SHISA9: variants seen among roughly 807,000 people sequenced by gnomAD.
SHISA9 encodes protein shisa-9.
SHISA9 carries 13 observed loss-of-function variants against 38.0 expected under a neutral mutation model. The observed-to-expected ratio is 0.34, with a 90% CI of 0.22 to 0.54. The LOEUF (loss-of-function observed/expected upper bound fraction) is 0.54. SHISA9 is among the 20% of genes least tolerant of loss of function. The pLI, the probability that SHISA9 is intolerant of heterozygous loss-of-function variation, is 0.91. For missense variants in SHISA9, 538 were observed against 575.8 expected, an observed-to-expected ratio of 0.93 and a Z score of 0.67; for synonymous variants, 275 against 242.0, an observed-to-expected ratio of 1.14 and a Z score of -1.27.
the SHISA9 span, among the ~76,000 whole-genome samples, chr16:13,273,707 C>T: frequency 1.1e-4 from 16 of 152,120 alleles, no homozygotes; most frequent in African/African-American, 3.9e-4. Flanking sequence ...ATGGGAATGC[C>T]TATTGCACAG....
At chr16:12,927,783 G>A (rs529264709) in intron 2 of SHISA9, among the ~76,000 whole-genome samples, 89 of 152,054 alleles carry the variant, frequency 5.9e-4, no homozygotes, top group Non-Finnish European at 1.1e-3. Context: ...ATCTGTCCCC[G>A]GTGCTGAACC....
chr16:12,927,240 A>T lies in SHISA9; in HGVS notation c.691+10425A>T, dbSNP rs556588272. Among the ~76,000 whole-genome samples, 8 of 152,350 alleles carry T rather than the reference A, an allele frequency of 5.3e-5. 1 individual carries two copies. In the South Asian group the frequency reaches 1.4e-3, roughly 28 times the overall value. On this transcript the variant is annotated intron_variant, in intron 2 of 4. Transcript: ENST00000558583. Reference sequence around the variant, plus strand: ...AAAGTTAATTACAAGGTGAAAAGGAAATCCTGTTACATTAGTCTGAGAATG... The same window carrying T: ...AAAGTTAATTACAAGGTGAAAAGGATATCCTGTTACATTAGTCTGAGAATG...
At chr16:13,254,591 C>T in the SHISA9 span, among the ~76,000 whole-genome samples, 3 of 152,382 alleles carry the variant, frequency 2.0e-5, no homozygotes, top group East Asian at 3.9e-4. Flanking sequence ...TTCCATCCAT[C>T]GTACAGCGGG....
the SHISA9 span, among the ~76,000 whole-genome samples, chr16:13,477,661 G>A: frequency 6.6e-6 from 1 of 152,146 alleles, no homozygotes; most frequent in Non-Finnish European, 1.5e-5. Flanking sequence ...CAACTGAAAT[G>A]TGCACTTCAA....
At chr16:13,368,269 G>A in the SHISA9 span, among the ~76,000 whole-genome samples, 1 of 152,154 alleles carries the variant, frequency 6.6e-6, no homozygotes, top group African/African-American at 2.4e-5. Context: ...TTCTGAGGCA[G>A]TGAGGTGAGA....
chr16:13,312,639 T>G, the SHISA9 span, among the ~76,000 whole-genome samples: 2 of 152,180 alleles, frequency 1.3e-5, no homozygotes, highest in Non-Finnish European at 2.9e-5. Context: ...AATATATTTA[T>G]CAAAATGTGA....
chr16:13,351,887 G>A, the SHISA9 span, among the ~76,000 whole-genome samples: 9 of 152,294 alleles, frequency 5.9e-5, no homozygotes, highest in African/African-American at 1.9e-4. Context: ...TAGTATGATA[G>A]CAAACATACT....
chr16:12,918,237 T>A (rs1428636632), intron 2 of SHISA9, among the ~76,000 whole-genome samples: 1 of 152,186 alleles, frequency 6.6e-6, no homozygotes, highest in Non-Finnish European at 1.5e-5. Context: ...CGGCAGTTGC[T>A]GTGTCCGATT....
At chr16:12,946,663 T>G (rs1239805778) in intron 2 of SHISA9, among the ~76,000 whole-genome samples, 1 of 152,240 alleles carries the variant, frequency 6.6e-6, no homozygotes, top group Non-Finnish European at 1.5e-5. Flanking sequence ...TCCCCGGCTC[T>G]GGCTGTCCCT....
At chr16:12,933,985 G>A (rs1276107441) in intron 2 of SHISA9, among the ~76,000 whole-genome samples, 2 of 152,144 alleles carry the variant, frequency 1.3e-5, no homozygotes, top group Non-Finnish European at 2.9e-5. Context: ...TCATTAAGAT[G>A]AGACCCAAGG....
At chr16:13,416,727 G>GAAGA in the SHISA9 span, among the ~76,000 whole-genome samples, 41 of 121,114 alleles carry the variant, frequency 3.4e-4, no homozygotes, top group South Asian at 6.9e-4. Flanking sequence ...AGAAAGAAAG[G>GAAGA]AAGAAAGAAA....
At chr16:12,911,133 T>C in intron 1 of SHISA9, 2 of 411,102 alleles carry the variant, frequency 4.9e-6, no homozygotes, top group Non-Finnish European at 6.6e-6. Flanking sequence ...TCACTCGGAG[T>C]GTGGCCTGTG....
At chr16:13,059,158 C>T (rs1231596357) in intron 2 of SHISA9, among the ~76,000 whole-genome samples, 1 of 132,090 alleles carries the variant, frequency 7.6e-6, no homozygotes, top group Non-Finnish European at 1.6e-5. Flanking sequence ...GACAGAGTCT[C>T]ACTCTGTCGC....
chr16:13,069,354 A>G lies in SHISA9; in HGVS notation c.692-134040A>G, dbSNP rs556521110. Among the ~76,000 whole-genome samples the G allele has an allele frequency of 5.9e-5, 9 of 151,660 alleles. No homozygotes were observed. The South Asian group carries it at 1.9e-3, about 32-fold the overall frequency. ...TACGCATGCATATGTGTGTATGTAT[A>G]TATGTGCATGTGTACGTGTGTGTAC... On this transcript the variant is annotated intron_variant, in intron 2 of 4. Coordinates refer to ENST00000558583, the MANE Select transcript of SHISA9 (RefSeq NM_001145204.3).
intron 4 of SHISA9, among the ~76,000 whole-genome samples, chr16:13,227,619 C>G (rs2051292362): frequency 6.6e-6 from 1 of 152,132 alleles, no homozygotes. Flanking sequence ...AAAGGGGAAT[C>G]TTAGATTATT....
the SHISA9 span, among the ~76,000 whole-genome samples, chr16:13,369,371 CT>C: frequency 9.2e-5 from 14 of 152,162 alleles, no homozygotes; most frequent in African/African-American, 3.1e-4. Flanking sequence ...AGTGTGGTTG[CT>C]TGCTGGTTTA....
At chr16:12,991,624 CAATT>C (rs1180797223) in intron 2 of SHISA9, among the ~76,000 whole-genome samples, 1 of 152,136 alleles carries the variant, frequency 6.6e-6, no homozygotes, top group Non-Finnish European at 1.5e-5. Flanking sequence ...AATAATTACT[CAATT>C]AACGTCACTC....
the SHISA9 span, among the ~76,000 whole-genome samples, chr16:13,281,663 T>C: frequency 6.6e-6 from 1 of 151,604 alleles, no homozygotes; most frequent in Non-Finnish European, 1.5e-5. Flanking sequence ...TCTAAGATTT[T>C]CAGTGATTGT....
intron 4 of SHISA9, among the ~76,000 whole-genome samples, chr16:13,228,123 A>G (rs1392546443): frequency 1.3e-5 from 2 of 152,192 alleles, no homozygotes; most frequent in African/African-American, 4.8e-5. Flanking sequence ...AACAGGCATA[A>G]ATGGTTAAGT....
Sources: allele counts gnomAD v4.1 joint callset (sites outside exome capture counted in the v4.1 genomes callset), GRCh38; gene constraint gnomAD v4.1.1; transcripts MANE v1.5; gene names NCBI Gene and HGNC (gene_info 2026-07-23, HGNC 2026-07-21).